The following SNX10 variants were observed in gnomAD, a reference collection of about 807,000 sequenced individuals.
The protein encoded by SNX10 is sorting nexin-10.
In SNX10, 25 loss-of-function variants were observed where a neutral mutation model predicts 28.5. The observed-to-expected ratio is 0.88, with a 90% confidence interval of 0.64 to 1.22. The LOEUF (loss-of-function observed/expected upper bound fraction) is 1.22. Ranked by LOEUF, SNX10 falls within the 50% of genes most tolerant of loss-of-function variation. The pLI is 0.00. For missense variants in SNX10, 223 were observed against 242.6 expected (o/e 0.92, Z 0.54); for synonymous variants, 62 against 81.4 (o/e 0.76, Z 1.28).
At chr7:26,335,825 G>A (rs963904951) in intron 1 of SNX10, among the ~76,000 whole-genome samples, 1 of 132,870 alleles carries the variant, frequency 7.5e-6, no homozygotes, top group African/African-American at 2.9e-5. Context: ...CTCACTGCAA[G>A]CTCCGCCTTC....
chr7:26,361,570 G>A (rs1789070628), intron 3 of SNX10, among the ~76,000 whole-genome samples: 1 of 152,214 alleles, frequency 6.6e-6, no homozygotes, highest in African/African-American at 2.4e-5. Flanking sequence ...TAGAAATGAT[G>A]TGCCTTGCGT....
intron 1 of SNX10, among the ~76,000 whole-genome samples, chr7:26,345,393 G>C (rs1429874243): frequency 6.6e-6 from 1 of 152,156 alleles, no homozygotes; most frequent in African/African-American, 2.4e-5. Context: ...GCGATCCCCT[G>C]CTCTCCCATT....
At position 26,374,334 on chromosome 7, in the gene SNX10, G is replaced by C. The variant is rs1185675606; in HGVS notation, c.*1762G>C. 1 of 151,892 alleles carries C rather than the reference G, an allele frequency of 6.6e-6. No homozygotes were observed. The highest frequency in any genetic ancestry group is 1.5e-5 in the Non-Finnish European group (1 of 67,874). 9.4% of individuals were successfully genotyped at this position (151,892 alleles called of 1,614,324 possible). ...TTAAACGTGAAAAAAAATCAACTTT[G>C]CCGGATCACTTATTTTATACAAGAG... On this transcript the variant is annotated 3_prime_UTR_variant, in exon 7 of 7. Transcript: ENST00000338523.
At chr7:26,312,391 G>A (rs1191308586) in intron 1 of SNX10, among the ~76,000 whole-genome samples, 2 of 152,154 alleles carry the variant, frequency 1.3e-5, no homozygotes, top group Non-Finnish European at 1.5e-5. Flanking sequence ...ATGTATTAAG[G>A]ATTAACTTCC....
intron 2 of SNX10, among the ~76,000 whole-genome samples, chr7:26,351,298 C>T (rs1019960622): frequency 1.3e-5 from 2 of 152,168 alleles, no homozygotes. Flanking sequence ...ACTTCCTCAG[C>T]CAGGTGATCA....
At chr7:26,346,118 C>T (rs1186803133) in intron 1 of SNX10, among the ~76,000 whole-genome samples, 1 of 152,198 alleles carries the variant, frequency 6.6e-6, no homozygotes, top group Non-Finnish European at 1.5e-5. Flanking sequence ...TCTCCAGCTT[C>T]CTCGCCAATT....
At chr7:26,365,290 T>C in intron 5 of SNX10, 145 bp downstream of exon 5, 1 of 561,146 alleles carries the variant, frequency 1.8e-6, no homozygotes, top group Middle Eastern at 2.8e-4. Context: ...CCATTTCCTA[T>C]ATTAGAGCAC....
rs754560156 is a variant in SNX10 at position 26,372,487 on chromosome 7, C to G, written c.525-4C>G. 13 of 1,593,156 alleles carry G rather than the reference C, an allele frequency of 8.2e-6. No homozygotes were observed. Among genetic ancestry groups the G allele is most frequent in the African/African-American group, 1.3e-5 (1 of 74,466 alleles). ...TATTATTTTCCCCCTCTCTTCTTTT[C>G]CAGTTCATCCTCTGGGCTTGGACAC... On this transcript the variant is annotated splice_polypyrimidine_tract_variant and splice_region_variant and intron_variant, in intron 6 of 6. Transcript: ENST00000338523.
rs1294393250 is a variant in SNX10, at chr7:26,364,580, A to G, written c.157A>G (p.Arg53Gly). The G allele has an allele frequency of 6.2e-7, 1 of 1,614,068 alleles. No homozygotes were observed. The highest frequency in any genetic ancestry group is 8.5e-7 in the Non-Finnish European group (1 of 1,179,950). ...FTMKTSCVRR[R>G]YREFVWLRQR... ...AATGAAAACATCCTGTGTACGAAGAAGATATAGAGAATTCGTGTGGCTGAG... is the reference window on the plus strand; with the variant it reads ...AATGAAAACATCCTGTGTACGAAGAGGATATAGAGAATTCGTGTGGCTGAG... The change falls in exon 4 of 7, where the codon AGA becomes GGA. Residue 53 changes from arginine (R) to glycine (G), a missense_variant. Coordinates refer to ENST00000338523, the MANE Select transcript of SNX10 (RefSeq NM_013322.3). The surrounding 1 kb of genome is among the most constrained non-coding windows in gnomAD (Gnocchi z 4.9).
At chr7:26,324,269 GA>G (rs35423361) in intron 1 of SNX10, among the ~76,000 whole-genome samples, 36 of 152,024 alleles carry the variant, frequency 2.4e-4, no homozygotes, top group East Asian at 7.8e-4. Context: ...ATGTGTGTGA[GA>G]AAAAAACCGT....
chr7:26,300,709 C>T (rs1027372453), intron 1 of SNX10, among the ~76,000 whole-genome samples: 5 of 152,044 alleles, frequency 3.3e-5, no homozygotes, highest in African/African-American at 4.8e-5. Flanking sequence ...CCCTGGATTT[C>T]GTGGTCTTTA....
intron 1 of SNX10, among the ~76,000 whole-genome samples, chr7:26,312,708 C>T (rs1011022332): frequency 3.3e-5 from 5 of 152,054 alleles, no homozygotes; most frequent in African/African-American, 4.8e-5. Flanking sequence ...CGCTTGAACC[C>T]GGGAGGCGGA....
At chr7:26,315,097 C>T (rs1787023037) in intron 1 of SNX10, among the ~76,000 whole-genome samples, 1 of 151,936 alleles carries the variant, frequency 6.6e-6, no homozygotes, top group Non-Finnish European at 1.5e-5. Flanking sequence ...AAGAGTCCAC[C>T]AAAATGAATC....
intron 1 of SNX10, among the ~76,000 whole-genome samples, chr7:26,329,104 G>A (rs887539785): frequency 1.3e-5 from 2 of 152,178 alleles, no homozygotes; most frequent in African/African-American, 4.8e-5. Context: ...ACATAAGTCA[G>A]GTTAGGTCAT....
At chr7:26,361,201 C>T (rs2128022045) in intron 3 of SNX10, 140 bp downstream of exon 3, 1 of 830,254 alleles carries the variant, frequency 1.2e-6, no homozygotes, top group South Asian at 2.2e-5. Flanking sequence ...TTTTATCTTA[C>T]ATGAACTAGT....
intron 1 of SNX10, among the ~76,000 whole-genome samples, chr7:26,292,900 A>ACAAC (rs1320880521): frequency 6.6e-6 from 1 of 152,242 alleles, no homozygotes; most frequent in Non-Finnish European, 1.5e-5. Context: ...AACCAGGCCT[A>ACAAC]CAACCTGGCA....
Position 26,305,772 on chromosome 7 carries a change from T to C in SNX10, c.-24+13686T>C, listed in dbSNP as rs528926744. The stretch of plus-strand genomic sequence containing the variant: ...AAACGGTGGCGTCTATTTTGAGGAC[T>C]TTGCCAAACTGAGTCTGTAGACAGA... On this transcript the variant is annotated intron_variant, in intron 1 of 6. Coordinates refer to ENST00000338523, the MANE Select transcript of SNX10 (RefSeq NM_013322.3). Among the ~76,000 whole-genome samples the C allele has an allele frequency of 2.0e-5, 3 of 152,342 alleles. No homozygotes were observed. In the South Asian group the frequency reaches 6.2e-4, roughly 32 times the overall value.
At chr7:26,299,384 C>T (rs1786237391) in intron 1 of SNX10, among the ~76,000 whole-genome samples, 1 of 151,890 alleles carries the variant, frequency 6.6e-6, no homozygotes, top group African/African-American at 2.4e-5. Flanking sequence ...TTAGTAGAGA[C>T]GGGGTTTCAC....
rs78129455 is a variant in SNX10, at chr7:26,338,019, C to T, written c.-23-8401C>T. 5.1e-3 allele frequency among the ~76,000 whole-genome samples: 771 copies of T among 151,918 alleles called. 6 individuals carry two copies. Among genetic ancestry groups the T allele is most frequent in the African/African-American group, 0.018 (738 of 41,424 alleles). ...TCCTAACGGGTGTGAGTTAATTTCT[C>T]ATTGTGGATTAGTGATGTTGAGCAT... On this transcript the variant is annotated intron_variant, in intron 1 of 6. Transcript: ENST00000338523.
Sources: allele counts gnomAD v4.1 joint callset (sites outside exome capture counted in the v4.1 genomes callset), GRCh38; gene constraint gnomAD v4.1.1; non-coding constraint Gnocchi (gnomAD v3.1); transcripts MANE v1.5; gene names NCBI Gene and HGNC (gene_info 2026-07-23, HGNC 2026-07-21).